Variants in LMNA observed in about 807,000 individuals in gnomAD.
The protein encoded by LMNA is lamin A/C.
In LMNA, 20 loss-of-function variants were observed where a neutral mutation model predicts 70.4. The observed-to-expected ratio is 0.28, with a 90% CI of 0.20 to 0.41. The LOEUF (loss-of-function observed/expected upper bound fraction) is 0.41. LMNA is among the 10% of genes least tolerant of loss of function. LMNA has a pLI of 1.00. For synonymous variants in LMNA, 339 were observed against 372.8 expected (o/e 0.91, Z 1.04); for missense variants, 652 against 917.2 (o/e 0.71, Z 3.73).
At chr1:156,097,559 G>A (rs1165492187) in intron 3 of LMNA, among the ~76,000 whole-genome samples, 3 of 152,240 alleles carry the variant, frequency 2.0e-5, no homozygotes, top group African/African-American at 4.8e-5. Context: ...CCTGGCCCAC[G>A]GTGCCATGGG....
Position 156,136,062 on chromosome 1 carries a change from G to A in LMNA, c.1098G>A (p.Lys366=), listed in dbSNP as rs57901307. ...LDEYQELLDI[K]LALDMEIHAY... ...AGTACCAGGAGCTTCTGGACATCAA[G>A]CTGGCCCTGGACATGGAGATCCACG... The change falls in exon 6 of 12, where the codon AAG becomes AAA. Residue 366 remains lysine, a synonymous_variant. Coordinates refer to ENST00000368300, the MANE Select transcript of LMNA (RefSeq NM_170707.4). The surrounding 1 kb of genome is among the most constrained non-coding windows in gnomAD (Gnocchi z 6.1). The A allele has an allele frequency of 8.1e-6, 13 of 1,614,008 alleles. No individual in the cohort carries two copies. The highest frequency in any genetic ancestry group is 1.1e-5 in the Non-Finnish European group (13 of 1,180,052).
intron 3 of LMNA, among the ~76,000 whole-genome samples, chr1:156,096,315 G>A (rs912176499): frequency 6.6e-6 from 1 of 152,202 alleles, no homozygotes; most frequent in East Asian, 1.9e-4. Context: ...TTACCTGTGA[G>A]CCCTATGCAA....
At position 156,137,794 on chromosome 1, in the gene LMNA, A is replaced by C; in HGVS notation, c.1698+51A>C. The C allele has an allele frequency of 6.5e-7, 1 of 1,547,798 alleles. No homozygotes were observed. Among genetic ancestry groups the C allele is most frequent in the East Asian group, 2.4e-5 (1 of 41,052 alleles). On this transcript the variant is annotated intron_variant, in intron 10 of 11. Transcript: ENST00000368300. The surrounding 1 kb of genome is among the most constrained non-coding windows in gnomAD (Gnocchi z 4.6). ...GAGCCTGCACTGGGGCCACCCAGCC[A>C]GGCCTGGGGGCAGCCTCTCCCCAGC... is the stretch of plus-strand genomic sequence containing the variant.
chr1:156,135,904 G>A lies in LMNA; in HGVS notation c.940G>A (p.Ala314Thr), dbSNP rs769498020. 8.1e-6 allele frequency: 13 copies of A among 1,613,398 alleles called. No homozygotes were observed. The highest frequency in any genetic ancestry group is 1.1e-5 in the Non-Finnish European group (13 of 1,179,848). Residue 314 changes from alanine to threonine, a missense_variant, in exon 6 of 12, where the codon GCA (alanine) becomes ACA (threonine). Ala to Thr is a moderately conservative substitution (Grantham distance 58). Around this residue, in one of 4 missense-constraint regions of LMNA, gnomAD observed 254 missense variants for 421.9 expected, o/e 0.60. Coordinates refer to ENST00000368300, the MANE Select transcript of LMNA (RefSeq NM_170707.4). The surrounding 1 kb of genome is among the most constrained non-coding windows in gnomAD (Gnocchi z 4.8). ...AQLSQLQKQL[A>T]AKEAKLRDLE... ...AAACCCTCCCACCCCCCTTCAGCTG[G>A]CAGCCAAGGAGGCGAAGCTTCGAGA... is the stretch of plus-strand genomic sequence containing the variant.
At chr1:156,113,345 G>T (rs1466651419), upstream of LMNA, among the ~76,000 whole-genome samples, 2 of 151,890 alleles carry the variant, frequency 1.3e-5, no homozygotes, top group Admixed American at 1.3e-4. Context: ...ACAAACAGAG[G>T]ATGAGGTGGA....
intron 2 of LMNA, among the ~76,000 whole-genome samples, chr1:156,086,311 G>A (rs972710673): frequency 1.3e-5 from 2 of 151,952 alleles, no homozygotes; most frequent in African/African-American, 4.8e-5. Context: ...GTCTAGACTC[G>A]CTGAAATAAG....
Position 156,137,174 on chromosome 1 carries a change from A to G in LMNA, c.1550A>G (p.Gln517Arg), listed in dbSNP as rs1327713289. Residue 517 changes from glutamine to arginine, a missense_variant, in exon 9 of 12, where the codon CAG becomes CGG. By Grantham distance (43) the Gln-to-Arg change is conservative. This residue lies in a region of LMNA where 327 missense variants were observed against 387.6 expected (regional missense o/e 0.84). Coordinates refer to ENST00000368300, the MANE Select transcript of LMNA (RefSeq NM_170707.4). This position sits in a 1 kb window ranked among gnomAD's most constrained non-coding sequence, Gnocchi z 4.6. ...CCTACCGACCTGGTGTGGAAGGCAC[A>G]GAACACCTGGGGCTGCGGGAACAGC... ...SPPTDLVWKA[Q>R]NTWGCGNSLR... 2 of 1,611,436 alleles carry G rather than the reference A, an allele frequency of 1.2e-6. No homozygotes were observed. The highest frequency in any genetic ancestry group is 1.1e-5 in the South Asian group (1 of 90,670).
intron 3 of LMNA, among the ~76,000 whole-genome samples, chr1:156,102,803 T>C (rs1649188825): frequency 6.6e-6 from 1 of 152,230 alleles, no homozygotes; most frequent in Non-Finnish European, 1.5e-5. Context: ...TGTGTATTTT[T>C]CAAACTTTCC....
chr1:156,137,072 C>T lies in LMNA; in HGVS notation c.1489-41C>T, dbSNP rs553016. 0.088 allele frequency: 142,563 copies of T among 1,613,822 alleles called. 11,376 individuals are homozygous for T. The highest frequency in any genetic ancestry group is 0.42 in the African/African-American group (31,483 of 74,894). On this transcript the variant is annotated intron_variant, in intron 8 of 11. Coordinates refer to ENST00000368300, the MANE Select transcript of LMNA (RefSeq NM_170707.4). This position sits in a 1 kb window ranked among gnomAD's most constrained non-coding sequence, Gnocchi z 4.6. ...GGGACTCTGGGGAGGCCTTGGGTGG[C>T]GATGGGAGCGCTGGGGTAAGTGTCC... is the stretch of plus-strand genomic sequence containing the variant.
chr1:156,105,309 A>T (rs1057046497), intron 3 of LMNA, among the ~76,000 whole-genome samples: 1 of 152,176 alleles, frequency 6.6e-6, no homozygotes, highest in Non-Finnish European at 1.5e-5. Flanking sequence ...GACTCCTCCC[A>T]GCTCTGAAGT....
At chr1:156,083,990 G>A (rs968901676) in intron 2 of LMNA, among the ~76,000 whole-genome samples, 2 of 152,004 alleles carry the variant, frequency 1.3e-5, no homozygotes, top group African/African-American at 4.8e-5. Context: ...TTTATGTCTG[G>A]ATCTTTCCCA....
In LMNA at chr1:156,137,743, C is replaced by T. The variant is rs4641; in HGVS notation, c.1698C>T (p.His566=). Residue 566 remains histidine (H), a splice_region_variant and synonymous_variant, in exon 10 of 12, where the codon CAC becomes CAT. Transcript: ENST00000368300. The surrounding 1 kb of genome is among the most constrained non-coding windows in gnomAD (Gnocchi z 4.6). ...EDGDDLLHHH[H]GSHCSSSGDP... is the part of the protein sequence containing the mutation. ...GAGATGACCTGCTCCATCACCACCA[C>T]GTGAGTGGTAGCCGCCGCTGAGGCC... The T allele has an allele frequency of 0.26, 399,905 of 1,549,008 alleles. 53,510 individuals carry two copies. The highest frequency in any genetic ancestry group is 0.31 in the Admixed American group (15,652 of 50,992).
chr1:156,086,236 G>A (rs959312258), intron 2 of LMNA, among the ~76,000 whole-genome samples: 1 of 152,170 alleles, frequency 6.6e-6, no homozygotes, highest in African/African-American at 2.4e-5. Flanking sequence ...TGAGCTCCTG[G>A]GATGTGCCAG....
chr1:156,131,378 A>G (rs1176888060), intron 2 of LMNA, among the ~76,000 whole-genome samples: 1 of 152,058 alleles, frequency 6.6e-6, no homozygotes, highest in Non-Finnish European at 1.5e-5. Flanking sequence ...GCTTGAGTCC[A>G]GGAGTTTGAG....
intron 3 of LMNA, among the ~76,000 whole-genome samples, chr1:156,092,486 C>T (rs1648746387): frequency 6.6e-6 from 1 of 151,748 alleles, no homozygotes. Flanking sequence ...TGAGACCAGC[C>T]TGGGCAATAT....
Position 156,137,096 on chromosome 1 carries a change from C to T in LMNA, c.1489-17C>T. The T allele has an allele frequency of 6.2e-7, 1 of 1,613,980 alleles. No homozygotes were observed. The highest frequency in any genetic ancestry group is 8.5e-7 in the Non-Finnish European group (1 of 1,179,928). ...GCGATGGGAGCGCTGGGGTAAGTGT[C>T]CTTTTCTCCTCTCCAGATCTGGGCT... On this transcript the variant is annotated splice_polypyrimidine_tract_variant and intron_variant, in intron 8 of 11. Coordinates refer to ENST00000368300, the MANE Select transcript of LMNA (RefSeq NM_170707.4). The surrounding 1 kb of genome is among the most constrained non-coding windows in gnomAD (Gnocchi z 4.6).
At chr1:156,097,406 G>A (rs544607198) in intron 3 of LMNA, among the ~76,000 whole-genome samples, 177 of 152,372 alleles carry the variant, frequency 1.2e-3, no homozygotes, top group Non-Finnish European at 2.0e-3. Flanking sequence ...CAGGGAAACT[G>A]AGGGATGGCA....
In LMNA at chr1:156,105,692, G is replaced by A. The variant is rs560731031; in HGVS notation, c.-206-9021G>A. On this transcript the variant is annotated intron_variant, in intron 3 of 12. Transcript: ENST00000368301. The stretch of plus-strand genomic sequence containing the variant: ...CTTTCAAGACCCGAAGAGGAGCCCT[G>A]CCAAACTTTCCACATGATCCCATGT... Among the ~76,000 whole-genome samples the A allele has an allele frequency of 2.0e-5, 3 of 152,290 alleles. No individual in the cohort carries two copies. In the East Asian group the frequency reaches 5.8e-4, roughly 29 times the overall value.
In LMNA at chr1:156,137,395, C is replaced by A; in HGVS notation, c.1608+163C>A. On this transcript the variant is annotated intron_variant, in intron 9 of 11. Coordinates refer to ENST00000368300, the MANE Select transcript of LMNA (RefSeq NM_170707.4). The surrounding 1 kb of genome is among the most constrained non-coding windows in gnomAD (Gnocchi z 4.6). ...CACCCAGTAGGCAAACCAAAAGATGCTTCCTCAACAGCACAAGGGGTGGAA... is the reference window on the plus strand; with the variant it reads ...CACCCAGTAGGCAAACCAAAAGATGATTCCTCAACAGCACAAGGGGTGGAA... 1.1e-6 allele frequency: 1 copy of A among 919,470 alleles called. No individual in the cohort carries two copies. The highest frequency in any genetic ancestry group is 1.7e-6 in the Non-Finnish European group (1 of 594,014). The allele number at this position is 919,470 out of a possible 1,614,324, so 57.0% of individuals were successfully genotyped here. A position where few individuals can be genotyped will look rare whatever the true frequency, so the allele number is the denominator to read the frequency against.
Sources: gnomAD v4.1 joint callset for allele counts (sites outside exome capture counted in the v4.1 genomes callset) on GRCh38, gnomAD v4.1.1 for gene constraint, gnomAD v4.1.1 regional missense constraint, Gnocchi (gnomAD v3.1) non-coding constraint, MANE v1.5 for transcripts, NCBI Gene and HGNC (gene_info 2026-07-23, HGNC 2026-07-21) for gene names.